OLFM3: variants seen among roughly 807,000 people sequenced by gnomAD.
OLFM3 encodes the protein olfactomedin 3, also known as noelin-3.
OLFM3 carries 20 observed loss-of-function variants against 48.6 expected under a neutral mutation model. That is an observed-to-expected ratio of 0.41 (90% CI 0.29 to 0.60). The LOEUF is 0.60. Ranked by LOEUF, OLFM3 falls within the 20% of genes least tolerant of loss-of-function variation. The probability of loss-of-function intolerance (pLI) is 0.28; values close to 1 mark genes in which losing one functional copy is unlikely to be tolerated. For synonymous variants in OLFM3, 222 were observed against 198.1 expected, an observed-to-expected ratio of 1.12 and a Z score of -1.01; for missense variants, 437 against 544.3, an observed-to-expected ratio of 0.80 and a Z score of 1.96.
At chr1:101,965,848 T>C (rs1660594282) in intron 1 of OLFM3, among the ~76,000 whole-genome samples, 1 of 152,184 alleles carries the variant, frequency 6.6e-6, no homozygotes, top group South Asian at 2.1e-4. Flanking sequence ...CTGCAATGTG[T>C]TTGCAGGGAA....
chr1:101,940,387 C>T (rs754527347), intron 1 of OLFM3, among the ~76,000 whole-genome samples: 2 of 150,098 alleles, frequency 1.3e-5, no homozygotes, highest in Non-Finnish European at 1.5e-5. Flanking sequence ...TCTCACATCC[C>T]TCTCTTTTTG....
chr1:101,969,293 C>A (rs549283772), intron 1 of OLFM3, among the ~76,000 whole-genome samples: 1 of 150,972 alleles, frequency 6.6e-6, no homozygotes, highest in South Asian at 2.1e-4. Flanking sequence ...GGGCTACAGG[C>A]ATGCAACACC....
At chr1:101,815,885 T>A (rs1654313577) in intron 4 of OLFM3, among the ~76,000 whole-genome samples, 1 of 152,216 alleles carries the variant, frequency 6.6e-6, no homozygotes, top group Admixed American at 6.5e-5. Flanking sequence ...AGGGGCTACA[T>A]ATTGCCTCAG....
chr1:101,889,295 A>G (rs552662511), intron 1 of OLFM3, among the ~76,000 whole-genome samples: 165 of 152,340 alleles, frequency 1.1e-3, no homozygotes, highest in African/African-American at 3.9e-3. Context: ...AATGTGGCAC[A>G]TATAAACCAT....
intron 1 of OLFM3, among the ~76,000 whole-genome samples, chr1:101,842,266 G>T (rs1468344109): frequency 2.0e-5 from 3 of 152,140 alleles, no homozygotes. Flanking sequence ...GGGTGCAGTG[G>T]CTCAGGTCTA....
chr1:101,807,157 G>T (rs1046040305), intron 4 of OLFM3, among the ~76,000 whole-genome samples: 2 of 151,466 alleles, frequency 1.3e-5, no homozygotes, highest in African/African-American at 4.8e-5. Context: ...ACATGTGCAG[G>T]TTTCTTACAT....
chr1:101,982,451 T>A (rs190995051), intron 1 of OLFM3, among the ~76,000 whole-genome samples: 24 of 152,280 alleles, frequency 1.6e-4, no homozygotes, highest in African/African-American at 5.3e-4. Flanking sequence ...TAGATTTTTT[T>A]AAAATGTATT....
At chr1:101,845,033 A>T (rs992395721) in intron 1 of OLFM3, among the ~76,000 whole-genome samples, 9 of 151,948 alleles carry the variant, frequency 5.9e-5, no homozygotes, top group African/African-American at 1.9e-4. Context: ...TACCTAAAAT[A>T]AAAAAAAGAA....
intron 1 of OLFM3, among the ~76,000 whole-genome samples, chr1:101,894,696 A>C (rs1234370454): frequency 6.6e-6 from 1 of 152,090 alleles, no homozygotes; most frequent in Non-Finnish European, 1.5e-5. Context: ...TTTTCCTCTT[A>C]AATTTTATTT....
intron 1 of OLFM3, among the ~76,000 whole-genome samples, chr1:101,884,153 C>T (rs75136170): frequency 6.6e-6 from 1 of 151,894 alleles, no homozygotes; most frequent in Non-Finnish European, 1.5e-5. Context: ...CTCCCAACAT[C>T]CTCTCTATTT....
chr1:101,980,900 T>G (rs150964628), intron 1 of OLFM3, among the ~76,000 whole-genome samples: 2 of 152,362 alleles, frequency 1.3e-5, no homozygotes, highest in African/African-American at 4.8e-5. Context: ...TTTCAATGTA[T>G]ATGAAAGATT....
intron 1 of OLFM3, among the ~76,000 whole-genome samples, chr1:101,962,585 G>A (rs970419355): frequency 1.3e-5 from 2 of 151,960 alleles, no homozygotes; most frequent in African/African-American, 4.8e-5. Context: ...ACTCTAGGAG[G>A]TTCCATGGCT....
At chr1:101,942,823 A>C (rs1030800213) in intron 1 of OLFM3, among the ~76,000 whole-genome samples, 1 of 152,220 alleles carries the variant, frequency 6.6e-6, no homozygotes, top group African/African-American at 2.4e-5. Flanking sequence ...TTGTTCTTAC[A>C]AAAACAGAGG....
chr1:101,988,718 T>C (rs1456619677), intron 1 of OLFM3, among the ~76,000 whole-genome samples: 1 of 152,016 alleles, frequency 6.6e-6, no homozygotes, highest in African/African-American at 2.4e-5. Context: ...AGCTGCTAGA[T>C]AGGAAAGAAT....
chr1:101,825,203 CG>C lies in OLFM3; in HGVS notation c.414del (p.Val139CysfsTer11). ...GCATCTGTTTTGTACTGTTCCAGCA[CG>C]GGGATCAAAGGCAGGAGCTCGTCCA... ...EKMDELLPLI[P>X]VLEQYKTDAK... is the part of the protein sequence containing the mutation. On this transcript the variant is annotated frameshift_variant, in exon 4 of 6. Coordinates refer to ENST00000370103, the MANE Select transcript of OLFM3 (RefSeq NM_058170.4). LOFTEE classifies it high-confidence loss of function. 1 of 1,613,974 alleles carries C rather than the reference CG, an allele frequency of 6.2e-7. No homozygotes were observed. The highest frequency in any genetic ancestry group is 8.5e-7 in the Non-Finnish European group (1 of 1,179,936).
chr1:101,990,401 T>C (rs1180107562), intron 1 of OLFM3, among the ~76,000 whole-genome samples: 2 of 152,200 alleles, frequency 1.3e-5, no homozygotes, highest in African/African-American at 4.8e-5. Context: ...GATTTGGTTA[T>C]AGGTTGATTG....
At chr1:101,956,336 T>C (rs1404390688) in intron 1 of OLFM3, among the ~76,000 whole-genome samples, 3 of 151,800 alleles carry the variant, frequency 2.0e-5, no homozygotes, top group Non-Finnish European at 4.4e-5. Flanking sequence ...GTCTCATCTC[T>C]TATTATTCAT....
Position 101,904,818 on chromosome 1 carries a change from G to A in OLFM3, c.70-67793C>T, listed in dbSNP as rs192320697. On this transcript the variant is annotated intron_variant, in intron 1 of 5. Coordinates refer to ENST00000370103, the MANE Select transcript of OLFM3 (RefSeq NM_058170.4). ...TCCAGAAAACATAAAATGCTGAGAT[G>A]AATTCTCCTCCCACCTGTTTACCTC... Among the ~76,000 whole-genome samples, 677 of 152,122 alleles carry A rather than the reference G, an allele frequency of 4.5e-3. 3 individuals are homozygous for A. The highest frequency in any genetic ancestry group is 7.2e-3 in the Non-Finnish European group (487 of 67,938).
At chr1:101,884,710 T>A (rs948328361) in intron 1 of OLFM3, among the ~76,000 whole-genome samples, 1 of 151,992 alleles carries the variant, frequency 6.6e-6, no homozygotes, top group South Asian at 2.1e-4. Flanking sequence ...TAAGAAGGCC[T>A]GGACAATGAG....
Sources: allele counts gnomAD v4.1 joint callset (sites outside exome capture counted in the v4.1 genomes callset), GRCh38; gene constraint gnomAD v4.1.1; transcripts MANE v1.5; gene names NCBI Gene and HGNC (gene_info 2026-07-23, HGNC 2026-07-21).